Variants in TMEM243 observed in about 807,000 individuals in gnomAD.
TMEM243 encodes the protein transmembrane protein 243, also known as MDR1 and mitochondrial taxol resistance associated.
A neutral mutation model predicts 15.0 loss-of-function variants in TMEM243; 20 were observed. The ratio of observed to expected loss-of-function variants is 1.33; its 90% confidence interval spans 0.94 to 1.93. The LOEUF is 1.93. Ranked by LOEUF, TMEM243 falls within the 30% of genes most tolerant of loss-of-function variation. The pLI, the probability that TMEM243 is intolerant of heterozygous loss-of-function variation, is 0.00. For missense variants in TMEM243, 156 were observed against 142.1 expected (o/e 1.10, Z -0.50); for synonymous variants, 72 against 52.7 (o/e 1.37, Z -1.59).
In TMEM243 at chr7:87,199,230, A is replaced by C. The variant is rs552356003; in HGVS notation, c.79-173T>G. ...AAGTGTACTGAACCATAAGAGTGGAAAATGTACTTTGGGAAAATGGCCAAC... is the reference window on the plus strand; with the variant it reads ...AAGTGTACTGAACCATAAGAGTGGACAATGTACTTTGGGAAAATGGCCAAC... On this transcript the variant is annotated intron_variant, in intron 1 of 3. Transcript: ENST00000257637. 21 of 501,832 alleles carry C rather than the reference A, an allele frequency of 4.2e-5. No homozygotes were observed. The South Asian group carries it at 7.7e-4, about 18-fold the overall frequency. 31.1% of individuals were successfully genotyped at this position (501,832 alleles called of 1,614,324 possible). A position where few individuals can be genotyped will look rare whatever the true frequency, so the allele number is the denominator to read the frequency against.
intron 1 of TMEM243, among the ~76,000 whole-genome samples, chr7:87,216,066 C>T (rs1168670520): frequency 4.0e-5 from 6 of 151,890 alleles, no homozygotes; most frequent in Non-Finnish European, 7.4e-5. Context: ...GTCAGGAGAT[C>T]GAGACCATCC....
At chr7:87,216,206 G>A (rs186741888) in intron 1 of TMEM243, among the ~76,000 whole-genome samples, 384 of 151,618 alleles carry the variant, frequency 2.5e-3, no homozygotes, top group African/African-American at 8.5e-3. Flanking sequence ...CCTGGGAGGC[G>A]GAGCTTGCAG....
At chr7:87,217,154 A>T (rs1803173630) in intron 1 of TMEM243, among the ~76,000 whole-genome samples, 1 of 152,246 alleles carries the variant, frequency 6.6e-6, no homozygotes, top group Admixed American at 6.5e-5. Context: ...AAAGCAAGTA[A>T]GATTACAAAA....
intron 1 of TMEM243, among the ~76,000 whole-genome samples, chr7:87,200,829 A>G (rs948494705): frequency 2.6e-5 from 4 of 152,140 alleles, no homozygotes; most frequent in Admixed American, 1.3e-4. Context: ...TTCTCACCCA[A>G]AGAACAACCT....
intron 1 of TMEM243, among the ~76,000 whole-genome samples, chr7:87,218,279 T>A (rs983670279): frequency 2.0e-5 from 3 of 152,222 alleles, no homozygotes; most frequent in African/African-American, 7.2e-5. Context: ...TGGGCTGGGA[T>A]TATACAAAGC....
At chr7:87,209,884 G>A (rs1202464140) in intron 1 of TMEM243, among the ~76,000 whole-genome samples, 6 of 142,156 alleles carry the variant, frequency 4.2e-5, no homozygotes, top group South Asian at 2.4e-4. Context: ...CAGTGAGAGC[G>A]TGAGAGACAG....
At chr7:87,213,346 C>CA (rs1223188085) in intron 1 of TMEM243, among the ~76,000 whole-genome samples, 4 of 152,110 alleles carry the variant, frequency 2.6e-5, no homozygotes, top group South Asian at 2.1e-4. Context: ...CTAGCACACA[C>CA]AAAAAAAGGC....
intron 2 of TMEM243, chr7:87,198,738 G>T (rs1420151451): frequency 2.3e-5 from 11 of 480,384 alleles, no homozygotes; most frequent in South Asian, 8.2e-5. Flanking sequence ...GAAGGAAGTG[G>T]CTACTAGCCA....
At chr7:87,202,460 G>A (rs1024512372) in intron 1 of TMEM243, among the ~76,000 whole-genome samples, 1 of 152,184 alleles carries the variant, frequency 6.6e-6, no homozygotes, top group East Asian at 1.9e-4. Flanking sequence ...GAAGAGCCTG[G>A]GCCTGACGGA....
chr7:87,196,428 GT>G lies in TMEM243; in HGVS notation c.*207del, dbSNP rs1801238859. On this transcript the variant is annotated 3_prime_UTR_variant, in exon 4 of 4. Coordinates refer to ENST00000257637, the MANE Select transcript of TMEM243 (RefSeq NM_024315.4). ...CTGTTTTAGCTTTAAGGGTTGGAAT[GT>G]TTAGGTGCAACATCAGCTCCTTAAA... 8.5e-6 allele frequency: 4 copies of G among 470,304 alleles called. No homozygotes were observed. Among genetic ancestry groups the G allele is most frequent in the Non-Finnish European group, 1.5e-5 (4 of 272,176 alleles). The allele number at this position is 470,304 out of a possible 1,614,324, so 29.1% of individuals were successfully genotyped here. A position where few individuals can be genotyped will look rare whatever the true frequency, so the allele number is the denominator to read the frequency against.
chr7:87,214,794 G>A (rs544749318), intron 1 of TMEM243, among the ~76,000 whole-genome samples: 3 of 152,178 alleles, frequency 2.0e-5, no homozygotes, highest in African/African-American at 7.2e-5. Context: ...ATATTTTTTC[G>A]GGCTTTGGAA....
At chr7:87,211,409 A>G (rs1437216375) in intron 1 of TMEM243, among the ~76,000 whole-genome samples, 1 of 152,116 alleles carries the variant, frequency 6.6e-6, no homozygotes, top group Non-Finnish European at 1.5e-5. Context: ...ACTTCCTACC[A>G]TTGTTTACCT....
chr7:87,215,852 C>T (rs1404042706), intron 1 of TMEM243, among the ~76,000 whole-genome samples: 1 of 152,072 alleles, frequency 6.6e-6, no homozygotes, highest in Non-Finnish European at 1.5e-5. Flanking sequence ...TGTCAATAAT[C>T]CCTAGGACAG....
In TMEM243 at chr7:87,219,621, T is replaced by G. The variant is rs1029911570; in HGVS notation, c.-118A>C. ...CGGCTCCCGCATAGCCGAACCCGAG[T>G]GGTCGGGGAAGCGCTGGCGCCAGGG... On this transcript the variant is annotated 5_prime_UTR_variant, in exon 1 of 4. Coordinates refer to ENST00000257637, the MANE Select transcript of TMEM243 (RefSeq NM_024315.4). 16 of 914,926 alleles carry G rather than the reference T, an allele frequency of 1.7e-5. No homozygotes were observed. In the East Asian group the frequency reaches 2.4e-4, roughly 14 times the overall value. 56.7% of individuals were successfully genotyped at this position (914,926 alleles called of 1,614,324 possible).
At chr7:87,216,749 T>C (rs1194497053) in intron 1 of TMEM243, 1 of 152,192 alleles carries the variant, frequency 6.6e-6, no homozygotes, top group Non-Finnish European at 1.5e-5. Flanking sequence ...CCTCACGACT[T>C]GGGGCAAACC....
chr7:87,217,315 A>T (rs1393556348), intron 1 of TMEM243, among the ~76,000 whole-genome samples: 1 of 152,188 alleles, frequency 6.6e-6, no homozygotes, highest in Non-Finnish European at 1.5e-5. Context: ...AGCTGCAGAC[A>T]CCCACACACA....
At chr7:87,204,641 C>T (rs1428671277) in intron 1 of TMEM243, among the ~76,000 whole-genome samples, 1 of 152,236 alleles carries the variant, frequency 6.6e-6, no homozygotes, top group African/African-American at 2.4e-5. Flanking sequence ...CCAGGTCATG[C>T]TGATGCAAGA....
intron 1 of TMEM243, 49 bp from the exon 2 acceptor site, chr7:87,199,106 C>T: frequency 2.0e-6 from 3 of 1,494,104 alleles, no homozygotes; most frequent in Non-Finnish European, 2.8e-6. Flanking sequence ...TCCATGTTAC[C>T]TTCAGTATAG....
chr7:87,209,644 GAC>G (rs772698462), intron 1 of TMEM243, among the ~76,000 whole-genome samples: 11 of 79,272 alleles, frequency 1.4e-4, no homozygotes, highest in Non-Finnish European at 2.1e-4. Context: ...GAGCGAGAGA[GAC>G]AGTGAGAGAC....
Sources: allele counts gnomAD v4.1 joint callset (sites outside exome capture counted in the v4.1 genomes callset), GRCh38; gene constraint gnomAD v4.1.1; transcripts MANE v1.5; gene names NCBI Gene and HGNC (gene_info 2026-07-23, HGNC 2026-07-21).